PTBP2: variants seen among roughly 807,000 people sequenced by gnomAD.
PTBP2 encodes polypyrimidine tract-binding protein 2.
A neutral mutation model predicts 61.4 loss-of-function variants in PTBP2; 13 were observed. That is an observed-to-expected ratio of 0.21 (90% CI 0.14 to 0.34). The LOEUF is 0.34. PTBP2 is among the 10% of genes least tolerant of loss of function. The pLI, the probability that PTBP2 is intolerant of heterozygous loss-of-function variation, is 1.00. For missense variants in PTBP2, 405 were observed against 642.6 expected (o/e 0.63, Z 4.00); for synonymous variants, 215 against 218.5 (o/e 0.98, Z 0.14).
rs765144770 is a variant in PTBP2 at position 96,769,715 on chromosome 1, A to G, written c.128A>G (p.Asp43Gly). ...SSMVVTANGN[D>G]SKKFKGEDKM... ...TAATGTCTTTCAGCCAATGGTAATG[A>G]TAGTAAAAAATTTAAAGGAGAAGAT... is the stretch of plus-strand genomic sequence containing the variant. Residue 43 changes from aspartate (D) to glycine (G), a missense_variant, in exon 4 of 14, where the codon GAT (aspartate) becomes GGT (glycine). Asp to Gly is a moderately conservative substitution (Grantham distance 94). This residue lies in a region of PTBP2 where 342 missense variants were observed against 491.2 expected (regional missense o/e 0.70). Transcript: ENST00000674951. The G allele has an allele frequency of 9.4e-6, 15 of 1,598,374 alleles. No homozygotes were observed. Among genetic ancestry groups the G allele is most frequent in the Non-Finnish European group, 1.3e-5 (15 of 1,172,834 alleles).
At chr1:96,745,651 A>C (rs1198944490) in intron 2 of PTBP2, among the ~76,000 whole-genome samples, 2 of 152,102 alleles carry the variant, frequency 1.3e-5, no homozygotes, top group African/African-American at 4.8e-5. Flanking sequence ...TAATGATTCT[A>C]ATAAATAGCC....
intron 2 of PTBP2, among the ~76,000 whole-genome samples, chr1:96,745,293 G>C (rs1354529325): frequency 3.3e-5 from 5 of 151,970 alleles, no homozygotes; most frequent in Non-Finnish European, 7.4e-5. Context: ...CTCCCGAGTA[G>C]CTGGGACTTC....
At chr1:96,775,769 GA>G (rs965190691) in intron 5 of PTBP2, among the ~76,000 whole-genome samples, 1 of 151,748 alleles carries the variant, frequency 6.6e-6, no homozygotes, top group Non-Finnish European at 1.5e-5. Context: ...TGAATTATAA[GA>G]AAAAATATAT....
intron 11 of PTBP2, among the ~76,000 whole-genome samples, chr1:96,807,779 T>C (rs992060815): frequency 6.6e-6 from 1 of 152,230 alleles, no homozygotes; most frequent in Non-Finnish European, 1.5e-5. Flanking sequence ...ATAATAGGTT[T>C]GAATTTTAGT....
chr1:96,767,172 T>C (rs972334045), intron 3 of PTBP2, among the ~76,000 whole-genome samples: 1 of 152,292 alleles, frequency 6.6e-6, no homozygotes, highest in Non-Finnish European at 1.5e-5. Context: ...CTACGTTCTT[T>C]CTGTGTTATT....
At chr1:96,799,293 G>GTTTTTTTTTTTT (rs1557768004) in intron 8 of PTBP2, among the ~76,000 whole-genome samples, 2 of 88,288 alleles carry the variant, frequency 2.3e-5, no homozygotes, top group Non-Finnish European at 4.1e-5. Context: ...AATAGATCAA[G>GTTTTTTTTTTTT]CTTTTTTTTT....
intron 3 of PTBP2, among the ~76,000 whole-genome samples, chr1:96,766,775 A>G (rs951724195): frequency 6.6e-6 from 1 of 152,116 alleles, no homozygotes; most frequent in African/African-American, 2.4e-5. Context: ...ATAGTTTACT[A>G]CAGTAACTGG....
chr1:96,775,802 A>G (rs1288177716), intron 5 of PTBP2, among the ~76,000 whole-genome samples: 1 of 152,146 alleles, frequency 6.6e-6, no homozygotes. Context: ...AAATGAAATC[A>G]TAAAGAAATG....
intron 7 of PTBP2, among the ~76,000 whole-genome samples, chr1:96,782,991 C>T (rs1003574016): frequency 1.1e-4 from 16 of 151,834 alleles, no homozygotes; most frequent in African/African-American, 3.9e-4. Context: ...TGTGAGTAGG[C>T]ACATTTGGAA....
intron 2 of PTBP2, among the ~76,000 whole-genome samples, chr1:96,745,183 T>C (rs914098000): frequency 2.0e-5 from 3 of 152,062 alleles, no homozygotes; most frequent in Non-Finnish European, 2.9e-5. Context: ...CTTTTTTTTT[T>C]TTAGAGTCTT....
chr1:96,777,025 A>C (rs934266703), intron 5 of PTBP2, among the ~76,000 whole-genome samples: 1 of 151,964 alleles, frequency 6.6e-6, no homozygotes, highest in African/African-American at 2.4e-5. Context: ...TTTACCTGAG[A>C]ATTTTGTGGT....
At chr1:96,725,806 G>T (rs916001711) in intron 2 of PTBP2, among the ~76,000 whole-genome samples, 6 of 151,832 alleles carry the variant, frequency 4.0e-5, no homozygotes, top group Non-Finnish European at 5.9e-5. Context: ...CAGGCCGGGC[G>T]CGGTGGGTCA....
At chr1:96,760,301 A>G (rs1655656539) in intron 3 of PTBP2, among the ~76,000 whole-genome samples, 1 of 152,196 alleles carries the variant, frequency 6.6e-6, no homozygotes, top group Admixed American at 6.5e-5. Context: ...GGTGATCACA[A>G]GTCAAAACCA....
rs1447274775 is a variant in PTBP2, at chr1:96,777,931, T to C, written c.693T>C (p.Ala231=). The C allele has an allele frequency of 5.8e-6, 9 of 1,556,880 alleles. No individual in the cohort carries two copies. In the African/African-American group the frequency reaches 1.1e-4, roughly 19 times the overall value. ...TCCAGTATGGTGATCCAGTAAATGCTCAACAAGCAAAACTAGTAAGTCTTT... is the reference window on the plus strand; with the variant it reads ...TCCAGTATGGTGATCCAGTAAATGCCCAACAAGCAAAACTAGTAAGTCTTT... ...ALLQYGDPVN[A]QQAKLALDGQ... The change falls in exon 7 of 14, where the codon GCT becomes GCC. Residue 231 remains alanine, a synonymous_variant. Coordinates refer to ENST00000674951, the MANE Select transcript of PTBP2 (RefSeq NM_021190.4).
At chr1:96,743,744 A>G (rs1328671250) in intron 2 of PTBP2, among the ~76,000 whole-genome samples, 1 of 152,214 alleles carries the variant, frequency 6.6e-6, no homozygotes, top group Non-Finnish European at 1.5e-5. Context: ...TCGTCGCAAC[A>G]GCAAAGAGTT....
At chr1:96,740,970 G>A (rs1652932598) in intron 2 of PTBP2, among the ~76,000 whole-genome samples, 1 of 151,880 alleles carries the variant, frequency 6.6e-6, no homozygotes, top group Non-Finnish European at 1.5e-5. Context: ...CTCATAGATT[G>A]TGTCTTTTCA....
intron 8 of PTBP2, among the ~76,000 whole-genome samples, chr1:96,795,956 T>C (rs1349659913): frequency 2.0e-5 from 3 of 152,208 alleles, no homozygotes; most frequent in Admixed American, 6.5e-5. Context: ...CAAATAACTT[T>C]ACACAGTGCC....
intron 2 of PTBP2, among the ~76,000 whole-genome samples, chr1:96,729,869 T>C (rs1651159287): frequency 6.6e-6 from 1 of 151,874 alleles, no homozygotes; most frequent in Admixed American, 6.6e-5. Context: ...CCCAAGTAGC[T>C]GGGATCACAG....
intron 8 of PTBP2, among the ~76,000 whole-genome samples, chr1:96,795,982 G>C (rs1268947810): frequency 6.6e-6 from 1 of 152,160 alleles, no homozygotes; most frequent in East Asian, 1.9e-4. Flanking sequence ...TATAATAAAT[G>C]CTTGCTACCT....
Sources: allele counts gnomAD v4.1 joint callset (sites outside exome capture counted in the v4.1 genomes callset), GRCh38; gene constraint gnomAD v4.1.1; regional missense constraint gnomAD v4.1.1; transcripts MANE v1.5; gene names NCBI Gene and HGNC (gene_info 2026-07-23, HGNC 2026-07-21).